Variants in OSBPL6 observed in about 807,000 individuals in gnomAD.
OSBPL6 encodes the protein oxysterol-binding protein-related protein 6.
OSBPL6 carries 49 observed loss-of-function variants against 125.8 expected under a neutral mutation model. The observed-to-expected ratio is 0.39, with a 90% CI of 0.31 to 0.49. The LOEUF (loss-of-function observed/expected upper bound fraction) is 0.49, where lower values mean the gene tolerates loss of function less well. Ranked by LOEUF, OSBPL6 falls within the 20% of genes least tolerant of loss-of-function variation. The pLI is 0.88. For synonymous variants in OSBPL6, 394 were observed against 391.8 expected, an observed-to-expected ratio of 1.01 and a Z score of -0.07; for missense variants, 986 against 1,135.4, an observed-to-expected ratio of 0.87 and a Z score of 1.89.
Position 178,381,062 on chromosome 2 carries a change from G to T in OSBPL6, c.1534-1358G>T, listed in dbSNP as rs144268135. Among the ~76,000 whole-genome samples the T allele has an allele frequency of 3.9e-5, 6 of 152,222 alleles. No individual in the cohort carries two copies. In the East Asian group the frequency reaches 9.6e-4, roughly 24 times the overall value. ...CTTGTTTTCTAATTTTTTACAATAA[G>T]AATGTTTTATATTCAGAAAAAAATA... On this transcript the variant is annotated intron_variant, in intron 15 of 24. Transcript: ENST00000190611.
chr2:178,310,636 C>G (rs1687188618), intron 3 of OSBPL6, among the ~76,000 whole-genome samples: 1 of 151,950 alleles, frequency 6.6e-6, no homozygotes, highest in African/African-American at 2.4e-5. Context: ...CCAGGATGGT[C>G]TCGATCTCCT....
rs537437025 is a variant in OSBPL6 at position 178,207,180 on chromosome 2, A to G, written c.-351+12506A>G. On this transcript the variant is annotated intron_variant, in intron 1 of 24. Coordinates refer to ENST00000190611, the MANE Select transcript of OSBPL6 (RefSeq NM_032523.4). ...TATACTGGTTTCCCATGGCTACTGTAATAAATTACCACAAACTTAGTGGCT... is the reference window on the plus strand; with the variant it reads ...TATACTGGTTTCCCATGGCTACTGTGATAAATTACCACAAACTTAGTGGCT... 3.3e-5 allele frequency among the ~76,000 whole-genome samples: 5 copies of G among 152,320 alleles called. No homozygotes were observed. In the East Asian group the frequency reaches 7.7e-4, roughly 23 times the overall value.
At position 178,265,859 on chromosome 2, in the gene OSBPL6, T is replaced by TGA. The variant is rs528473191; in HGVS notation, c.-350-19065_-350-19064dup. Among the ~76,000 whole-genome samples the TGA allele has an allele frequency of 6.2e-3, 939 of 152,230 alleles. 7 individuals are homozygous for TGA. The highest frequency in any genetic ancestry group is 0.021 in the African/African-American group (882 of 41,536). ...ATATTTATTGAGCATCATGTAGCTTTGAGAAACTTGCAGACTAGTGGGTAA... is the reference window on the plus strand; with the variant it reads ...ATATTTATTGAGCATCATGTAGCTTTGAGAGAAACTTGCAGACTAGTGGGTAA... On this transcript the variant is annotated intron_variant, in intron 1 of 24. Transcript: ENST00000190611.
At chr2:178,263,422 G>A (rs548687130) in intron 1 of OSBPL6, among the ~76,000 whole-genome samples, 2 of 152,184 alleles carry the variant, frequency 1.3e-5, no homozygotes, top group Non-Finnish European at 2.9e-5. Context: ...AGGTTGCAGT[G>A]AGCTGAGATT....
At chr2:178,248,363 G>A (rs755688801) in intron 1 of OSBPL6, among the ~76,000 whole-genome samples, 1 of 152,120 alleles carries the variant, frequency 6.6e-6, no homozygotes, top group Non-Finnish European at 1.5e-5. Context: ...GGATATGATG[G>A]TATATGAATA....
chr2:178,243,889 G>T (rs1384430704), intron 1 of OSBPL6, among the ~76,000 whole-genome samples: 1 of 152,166 alleles, frequency 6.6e-6, no homozygotes, highest in Non-Finnish European at 1.5e-5. Flanking sequence ...CTGATCTCGT[G>T]ATCCGCCTGC....
At chr2:178,296,619 A>G (rs1865325) in intron 2 of OSBPL6, among the ~76,000 whole-genome samples, 59,655 of 151,942 alleles carry the variant, frequency 0.39, 12,479 homozygotes, top group East Asian at 0.68. Flanking sequence ...CTCCCACCAT[A>G]GTCTATTTCA....
intron 1 of OSBPL6, among the ~76,000 whole-genome samples, chr2:178,210,645 T>C (rs2089805234): frequency 6.6e-6 from 1 of 151,906 alleles, no homozygotes. Flanking sequence ...ACCCCGCTTC[T>C]ACTAAAAATA....
At chr2:178,379,362 A>AGGG (rs1694240540) in intron 15 of OSBPL6, among the ~76,000 whole-genome samples, 1 of 144,308 alleles carries the variant, frequency 6.9e-6, no homozygotes, top group Non-Finnish European at 1.5e-5. Context: ...GAGGGGAAGG[A>AGGG]AGGAAAGGGA....
intron 1 of OSBPL6, among the ~76,000 whole-genome samples, chr2:178,195,113 A>AGCGCCC (rs1027152597): frequency 3.9e-5 from 6 of 152,064 alleles, no homozygotes; most frequent in Admixed American, 2.0e-4. Flanking sequence ...CGCGGGTGAG[A>AGCGCCC]GCGCCCGCGC....
chr2:178,247,538 C>T (rs1189739851), intron 1 of OSBPL6, among the ~76,000 whole-genome samples: 2 of 152,138 alleles, frequency 1.3e-5, no homozygotes, highest in African/African-American at 2.4e-5. Flanking sequence ...TGGTGAGGGT[C>T]TGGCATGTCT....
intron 1 of OSBPL6, among the ~76,000 whole-genome samples, chr2:178,219,662 C>T (rs1045444399): frequency 3.3e-5 from 5 of 152,202 alleles, no homozygotes; most frequent in African/African-American, 1.2e-4. Context: ...GCCATCCCAT[C>T]GGACCCCTTT....
At position 178,395,703 on chromosome 2, in the gene OSBPL6, T is replaced by G. The variant is rs1695797568; in HGVS notation, c.*144T>G. 1 of 616,804 alleles carries G rather than the reference T, an allele frequency of 1.6e-6. No homozygotes were observed. Among genetic ancestry groups the G allele is most frequent in the Non-Finnish European group, 2.8e-6 (1 of 354,268 alleles). The allele number at this position is 616,804 out of a possible 1,614,324, so 38.2% of individuals were successfully genotyped here. ...TTCTATTCATCTTTATAATGGACTT[T>G]CAGAAGTGCATTAGACAAGGCCCCT... On this transcript the variant is annotated 3_prime_UTR_variant, in exon 25 of 25. Transcript: ENST00000190611.
intron 17 of OSBPL6, 110 bp from the exon 18 acceptor site, chr2:178,383,929 C>T: frequency 2.4e-6 from 3 of 1,253,458 alleles, no homozygotes; most frequent in Non-Finnish European, 3.3e-6. Context: ...CAACTGTCAT[C>T]AAATCAACAC....
In OSBPL6 at chr2:178,387,143, G is replaced by C; in HGVS notation, c.2156+4G>C. The C allele has an allele frequency of 6.2e-7, 1 of 1,602,038 alleles. No individual in the cohort carries two copies. The highest frequency in any genetic ancestry group is 8.5e-7 in the Non-Finnish European group (1 of 1,169,738). ...CACTGAATGTCATGCTTCCAAAGTAGGTGACTCACACCTCCCTTTTGGCCT... is the reference window on the plus strand; with the variant it reads ...CACTGAATGTCATGCTTCCAAAGTACGTGACTCACACCTCCCTTTTGGCCT... On this transcript the variant is annotated splice_donor_region_variant and intron_variant, in intron 20 of 24. Transcript: ENST00000190611.
At chr2:178,250,374 C>T (rs769211842) in intron 1 of OSBPL6, among the ~76,000 whole-genome samples, 2 of 152,162 alleles carry the variant, frequency 1.3e-5, no homozygotes, top group Admixed American at 1.3e-4. Flanking sequence ...ACCAGGCCAG[C>T]ATCTCCTGCC....
intron 9 of OSBPL6, 21 bp downstream of exon 9, chr2:178,336,454 G>T: frequency 1.2e-6 from 2 of 1,611,016 alleles, no homozygotes; most frequent in Non-Finnish European, 1.7e-6. Flanking sequence ...GCCCAGTGTG[G>T]CCTGAGAGTA....
chr2:178,332,807 C>G, intron 7 of OSBPL6, 53 bp downstream of exon 7: 2 of 1,610,752 alleles, frequency 1.2e-6, no homozygotes, highest in Non-Finnish European at 1.7e-6. Context: ...AACGATTTGC[C>G]TACACCAGTG....
intron 2 of OSBPL6, among the ~76,000 whole-genome samples, chr2:178,291,393 G>C (rs1685247516): frequency 6.6e-6 from 1 of 152,154 alleles, no homozygotes; most frequent in African/African-American, 2.4e-5. Flanking sequence ...AGTGTCCACT[G>C]TTCATCATCA....
Sources: allele counts gnomAD v4.1 joint callset (sites outside exome capture counted in the v4.1 genomes callset), GRCh38; gene constraint gnomAD v4.1.1; transcripts MANE v1.5; gene names NCBI Gene and HGNC (gene_info 2026-07-23, HGNC 2026-07-21).